The following CNTN5 variants were observed in gnomAD, a reference collection of about 807,000 sequenced individuals.
The protein encoded by CNTN5 is contactin 5.
CNTN5 carries 77 observed loss-of-function variants against 129.1 expected under a neutral mutation model. That is an observed-to-expected ratio of 0.60 (90% CI 0.50 to 0.72). The LOEUF is 0.72. CNTN5 is among the 30% of genes least tolerant of loss of function. The pLI is 0.00. For synonymous variants in CNTN5, 509 were observed against 465.6 expected (o/e 1.09, Z -1.20); for missense variants, 1,478 against 1,328.8 (o/e 1.11, Z -1.75).
intron 3 of CNTN5, among the ~76,000 whole-genome samples, chr11:99,752,261 G>A (rs1400669828): frequency 2.6e-5 from 4 of 152,120 alleles, no homozygotes; most frequent in Admixed American, 2.0e-4. Context: ...TGGAAGAGGC[G>A]AATTCATTTA....
chr11:99,318,355 C>T (rs1865431130), intron 1 of CNTN5, among the ~76,000 whole-genome samples: 1 of 152,096 alleles, frequency 6.6e-6, no homozygotes, highest in Non-Finnish European at 1.5e-5. Context: ...ATGCCAACTC[C>T]CAATCCTGGG....
chr11:100,027,269 A>G (rs1197205403), intron 9 of CNTN5, among the ~76,000 whole-genome samples: 12 of 152,184 alleles, frequency 7.9e-5, no homozygotes, highest in Admixed American at 7.9e-4. Context: ...TTGGAAATTG[A>G]GCATTTTTGT....
chr11:100,355,500 A>G (rs1381937167), intron 24 of CNTN5, among the ~76,000 whole-genome samples: 1 of 151,832 alleles, frequency 6.6e-6, no homozygotes, highest in African/African-American at 2.4e-5. Flanking sequence ...CATAAGCCAA[A>G]TAACAGTCAT....
At chr11:99,305,252 T>C (rs1445939792) in intron 1 of CNTN5, among the ~76,000 whole-genome samples, 1 of 152,134 alleles carries the variant, frequency 6.6e-6, no homozygotes, top group Non-Finnish European at 1.5e-5. Context: ...AATACATGAA[T>C]AAATCACTCA....
At chr11:100,081,285 AC>A (rs1263587668) in intron 13 of CNTN5, among the ~76,000 whole-genome samples, 4 of 152,184 alleles carry the variant, frequency 2.6e-5, no homozygotes, top group African/African-American at 4.8e-5. Flanking sequence ...AGAATTGTTG[AC>A]TTCTGGGAGG....
At chr11:100,331,557 T>C (rs1235549968) in intron 21 of CNTN5, among the ~76,000 whole-genome samples, 1 of 151,950 alleles carries the variant, frequency 6.6e-6, no homozygotes, top group Non-Finnish European at 1.5e-5. Flanking sequence ...ACACAGAACA[T>C]CCTCCAAGAT....
intron 17 of CNTN5, among the ~76,000 whole-genome samples, chr11:100,268,241 A>G (rs555715097): frequency 7.3e-4 from 111 of 152,286 alleles, no homozygotes; most frequent in African/African-American, 1.9e-3. Context: ...AGGCATTTGG[A>G]TATATAAGTA....
At chr11:99,518,700 T>C (rs1322596468) in intron 2 of CNTN5, among the ~76,000 whole-genome samples, 1 of 152,110 alleles carries the variant, frequency 6.6e-6, no homozygotes, top group Non-Finnish European at 1.5e-5. Flanking sequence ...TGACAAGATC[T>C]TCCATTTTCT....
intron 3 of CNTN5, among the ~76,000 whole-genome samples, chr11:99,652,256 G>A (rs1275545900): frequency 3.9e-5 from 6 of 152,008 alleles, no homozygotes; most frequent in African/African-American, 1.2e-4. Flanking sequence ...TCAGGCCTTA[G>A]TCATATAGCC....
At chr11:99,547,131 G>C (rs375205085) in intron 2 of CNTN5, among the ~76,000 whole-genome samples, 1 of 150,778 alleles carries the variant, frequency 6.6e-6, no homozygotes, top group African/African-American at 2.4e-5. Context: ...AGCCTCCCAA[G>C]TAGCTGGGAT....
At chr11:100,310,703 A>AGT (rs35502300) in intron 21 of CNTN5, among the ~76,000 whole-genome samples, 73,903 of 151,588 alleles carry the variant, frequency 0.49, 20,586 homozygotes, top group East Asian at 0.92. Flanking sequence ...GAAGGTAAAG[A>AGT]GAGAGAGTCT....
intron 2 of CNTN5, among the ~76,000 whole-genome samples, chr11:99,338,919 GATATAT>G (rs10534485): frequency 0.13 from 17,003 of 126,826 alleles, 1,154 homozygotes; most frequent in African/African-American, 0.17. Context: ...TTCATTCACA[GATATAT>G]ATATATATAT....
At chr11:99,151,339 G>A (rs1860047147) in intron 1 of CNTN5, among the ~76,000 whole-genome samples, 1 of 152,060 alleles carries the variant, frequency 6.6e-6, no homozygotes, top group Admixed American at 6.5e-5. Flanking sequence ...AGAAAGAGTT[G>A]AGAGGATTAT....
intron 2 of CNTN5, among the ~76,000 whole-genome samples, chr11:99,383,103 C>T (rs150193753): frequency 0.035 from 5,301 of 152,038 alleles, 127 homozygotes; most frequent in Non-Finnish European, 0.055. Flanking sequence ...GATCCGCCTG[C>T]CTTGGCCTCC....
chr11:100,229,545 G>T (rs1949448495), intron 16 of CNTN5, among the ~76,000 whole-genome samples: 1 of 152,188 alleles, frequency 6.6e-6, no homozygotes, highest in Non-Finnish European at 1.5e-5. Context: ...TCACTAGCAA[G>T]AGAGAAAAGT....
At chr11:99,715,866 A>G (rs1955198069) in intron 3 of CNTN5, among the ~76,000 whole-genome samples, 1 of 151,972 alleles carries the variant, frequency 6.6e-6, no homozygotes, top group Admixed American at 6.6e-5. Context: ...GTATTAAGCA[A>G]AGGTTTATCT....
intron 2 of CNTN5, among the ~76,000 whole-genome samples, chr11:99,422,222 A>T (rs2135058588): frequency 6.6e-6 from 1 of 152,288 alleles, no homozygotes; most frequent in South Asian, 2.1e-4. Flanking sequence ...TGGCAGTCAT[A>T]AAATCATCAT....
rs1053378557 is a variant in CNTN5, at chr11:100,160,907, G to T, written c.1581-30219G>T. The stretch of plus-strand genomic sequence containing the variant: ...ACAAAGTAGTTAAGAGACTTAAGTT[G>T]TATAACCACAAGGTCACATAACTAG... On this transcript the variant is annotated intron_variant, in intron 13 of 24. Coordinates refer to ENST00000524871, the MANE Select transcript of CNTN5 (RefSeq NM_014361.4). Among the ~76,000 whole-genome samples the T allele has an allele frequency of 2.0e-5, 3 of 151,926 alleles. 1 individual carries two copies. The highest frequency in any genetic ancestry group is 6.8e-3 in the Middle Eastern group (2 of 294).
At chr11:99,759,251 A>C (rs1944499676) in intron 3 of CNTN5, among the ~76,000 whole-genome samples, 1 of 152,088 alleles carries the variant, frequency 6.6e-6, no homozygotes, top group Admixed American at 6.6e-5. Flanking sequence ...ATGGCCGAGC[A>C]TAAGTCCTGT....
Sources: allele counts gnomAD v4.1 joint callset (sites outside exome capture counted in the v4.1 genomes callset), GRCh38; gene constraint gnomAD v4.1.1; transcripts MANE v1.5; gene names NCBI Gene and HGNC (gene_info 2026-07-23, HGNC 2026-07-21).